Variants in OTOGL observed in about 807,000 individuals in gnomAD.
OTOGL encodes the protein otogelin-like protein.
In OTOGL, 285 loss-of-function variants were observed where a neutral mutation model predicts 318.5. The ratio of observed to expected loss-of-function variants is 0.89; its 90% CI spans 0.81 to 0.99. OTOGL has a LOEUF of 0.99. OTOGL is among the 50% of genes least tolerant of loss of function. The pLI, the probability that OTOGL is intolerant of heterozygous loss-of-function variation, is 0.00. For synonymous variants in OTOGL, 987 were observed against 936.5 expected (o/e 1.05, Z -0.99); for missense variants, 2,899 against 2,845.6 (o/e 1.02, Z -0.43).
intron 52 of OTOGL, among the ~76,000 whole-genome samples, chr12:80,360,485 C>G (rs1890176511): frequency 7.0e-6 from 1 of 142,776 alleles, no homozygotes; most frequent in Admixed American, 7.1e-5. Flanking sequence ...CTCCCTCTCT[C>G]CCTCTCACTC....
chr12:80,144,417 G>T (rs940205821), intron 1 of OTOGL, among the ~76,000 whole-genome samples: 2 of 150,302 alleles, frequency 1.3e-5, no homozygotes, highest in African/African-American at 5.0e-5. Flanking sequence ...AGTATTCCGT[G>T]GTGTATATGT....
chr12:80,273,610 GTAAGAGCTCAGCAAA>G (rs1883575207), intron 24 of OTOGL, among the ~76,000 whole-genome samples: 4 of 152,060 alleles, frequency 2.6e-5, no homozygotes, highest in African/African-American at 9.7e-5. Context: ...CAGTTATATA[GTAAGAGCTCAGCAAA>G]TGTTTATTTC....
chr12:80,240,573 C>CAATGGAA (rs1478379501), intron 11 of OTOGL, among the ~76,000 whole-genome samples: 1 of 151,788 alleles, frequency 6.6e-6, no homozygotes, highest in Non-Finnish European at 1.5e-5. Context: ...GAGTCTGTAA[C>CAATGGAA]AATGGAAAAT....
intron 1 of OTOGL, among the ~76,000 whole-genome samples, chr12:80,112,705 C>CTT (rs546093754): frequency 0.03 from 3,861 of 128,486 alleles, 109 homozygotes; most frequent in Non-Finnish European, 0.046. Context: ...CTGAAATTTT[C>CTT]TTTCTTTTTT....
chr12:80,332,159 A>G (rs1315975393), intron 37 of OTOGL, among the ~76,000 whole-genome samples: 1 of 152,194 alleles, frequency 6.6e-6, no homozygotes, highest in African/African-American at 2.4e-5. Context: ...GAAAATTGAC[A>G]AAGAAAAATT....
intron 51 of OTOGL, 25 bp from the exon 52 acceptor site, chr12:80,358,835 A>G: frequency 6.5e-7 from 1 of 1,535,052 alleles, no homozygotes; most frequent in Non-Finnish European, 8.8e-7. Flanking sequence ...TGATCAATGT[A>G]AATATGTTGA....
rs1555302591 is a variant in OTOGL, at chr12:80,352,456, A to ATAG, written c.5407+22_5407+23insGTA. 2 of 1,524,916 alleles carry ATAG rather than the reference A, an allele frequency of 1.3e-6. No homozygotes were observed. The highest frequency in any genetic ancestry group is 2.3e-5 in the Admixed American group (1 of 43,466). The allele number at this position is 1,524,916 out of a possible 1,614,324, so 94.5% of individuals were successfully genotyped here. A position where few individuals can be genotyped will look rare whatever the true frequency, so the allele number is the denominator to read the frequency against. On this transcript the variant is annotated intron_variant, in intron 45 of 58. Transcript: ENST00000547103. The stretch of plus-strand genomic sequence containing the variant: ...ACTGCTGTGAGTAACTGTTAACTGA[A>ATAG]TATTTTTCCATCATAAATAAATTTC...
chr12:80,370,641 GA>G lies in OTOGL; in HGVS notation c.6689del (p.Asn2230ThrfsTer16). On this transcript the variant is annotated frameshift_variant, in exon 56 of 59. Coordinates refer to ENST00000547103, the MANE Select transcript of OTOGL (RefSeq NM_001378609.3). LOFTEE classifies it high-confidence loss of function. ...AAACTGATGAAGGAGCAATAATTCT[GA>G]ACTACACAATGGTCTGTCCCCCTTT... The part of the protein sequence containing the change: ...VKTDEGAIIL[N>X]YTMVCPPFNE... The G allele has an allele frequency of 1.3e-6, 2 of 1,596,616 alleles. No individual in the cohort carries two copies. The highest frequency in any genetic ancestry group is 1.7e-6 in the Non-Finnish European group (2 of 1,168,742).
At chr12:80,255,448 A>G (rs1881949626) in intron 16 of OTOGL, among the ~76,000 whole-genome samples, 1 of 152,054 alleles carries the variant, frequency 6.6e-6, no homozygotes, top group Non-Finnish European at 1.5e-5. Context: ...ATTAAATACT[A>G]TATATTTAAT....
At chr12:80,136,094 G>C (rs1262721221) in intron 1 of OTOGL, among the ~76,000 whole-genome samples, 1 of 152,050 alleles carries the variant, frequency 6.6e-6, no homozygotes, top group Non-Finnish European at 1.5e-5. Context: ...TGTTTCTCTG[G>C]AAAACCTTGA....
At chr12:80,338,008 A>G (rs1035906502) in intron 42 of OTOGL, among the ~76,000 whole-genome samples, 1 of 152,026 alleles carries the variant, frequency 6.6e-6, no homozygotes, top group Non-Finnish European at 1.5e-5. Context: ...TTGGCCCCAG[A>G]TGAACTCATC....
chr12:80,312,782 C>T (rs964529303), intron 30 of OTOGL, among the ~76,000 whole-genome samples: 1 of 152,044 alleles, frequency 6.6e-6, no homozygotes, highest in African/African-American at 2.4e-5. Context: ...AAATACAGCT[C>T]AGTGACAGCA....
intron 1 of OTOGL, among the ~76,000 whole-genome samples, chr12:80,120,003 C>T (rs1195867546): frequency 6.6e-6 from 1 of 152,002 alleles, no homozygotes; most frequent in Non-Finnish European, 1.5e-5. Flanking sequence ...TTTCTCTTCT[C>T]TTAGAAAGCA....
chr12:80,279,133 C>CTATA lies in OTOGL; in HGVS notation c.2897_2900dup (p.Ser968TyrfsTer3), dbSNP rs1884026443. On this transcript the variant is annotated frameshift_variant, in exon 26 of 59. Transcript: ENST00000547103. LOFTEE classifies it high-confidence loss of function. ...ATTCTTTTGATGGACTAGAATATGA[C>CTATA]TATATCAGTGATTGCCAGGTGTTTT... is the stretch of plus-strand genomic sequence containing the variant. 3.8e-6 allele frequency: 6 copies of CTATA among 1,593,628 alleles called. No individual in the cohort carries two copies. Among genetic ancestry groups the CTATA allele is most frequent in the Non-Finnish European group, 5.1e-6 (6 of 1,176,090 alleles).
chr12:80,190,706 G>A (rs1410549837), intron 1 of OTOGL, among the ~76,000 whole-genome samples: 1 of 143,292 alleles, frequency 7.0e-6, no homozygotes, highest in African/African-American at 2.6e-5. Context: ...AGAATGGCGT[G>A]AACCCAAGAG....
chr12:80,248,184 T>C (rs1881100413), intron 11 of OTOGL, among the ~76,000 whole-genome samples: 2 of 143,894 alleles, frequency 1.4e-5, no homozygotes, highest in Admixed American at 6.9e-5. Flanking sequence ...AATATTGTTA[T>C]GTGTGAATTT....
chr12:80,232,267 TATATCCCTA>T (rs1464873040), intron 8 of OTOGL, among the ~76,000 whole-genome samples: 1 of 152,206 alleles, frequency 6.6e-6, no homozygotes, highest in Non-Finnish European at 1.5e-5. Context: ...CAAAGTACAT[TATATCCCTA>T]ATATTGTACT....
intron 22 of OTOGL, among the ~76,000 whole-genome samples, chr12:80,269,126 C>T (rs987632519): frequency 2.0e-5 from 3 of 151,998 alleles, no homozygotes; most frequent in Non-Finnish European, 4.4e-5. Flanking sequence ...TGAATCACAC[C>T]TCTGAGTGTT....
At chr12:80,188,169 G>T (rs1875426057) in intron 1 of OTOGL, among the ~76,000 whole-genome samples, 1 of 152,130 alleles carries the variant, frequency 6.6e-6, no homozygotes, top group Non-Finnish European at 1.5e-5. Context: ...GGATAGAGAA[G>T]ATCCACAAAG....
Sources: allele counts gnomAD v4.1 joint callset (sites outside exome capture counted in the v4.1 genomes callset), GRCh38; gene constraint gnomAD v4.1.1; transcripts MANE v1.5; gene names NCBI Gene and HGNC (gene_info 2026-07-23, HGNC 2026-07-21).